NAALADL2: variants seen among roughly 807,000 people sequenced by gnomAD.
NAALADL2 encodes the protein inactive N-acetylated-alpha-linked acidic dipeptidase-like protein 2.
Under a neutral mutation model 87.2 loss-of-function variants are expected in NAALADL2, and 76 were observed. The ratio of observed to expected loss-of-function variants is 0.87; its 90% confidence interval spans 0.72 to 1.05. The LOEUF (loss-of-function observed/expected upper bound fraction) is 1.05. NAALADL2 is among the 50% of genes least tolerant of loss of function. NAALADL2 has a pLI of 0.00. For missense variants in NAALADL2, 1,089 were observed against 945.8 expected (o/e 1.15, Z -1.99); for synonymous variants, 354 against 331.0 (o/e 1.07, Z -0.75).
chr3:175,316,313 TTTGCC>T (rs1759132014), intron 4 of NAALADL2, among the ~76,000 whole-genome samples: 1 of 152,136 alleles, frequency 6.6e-6, no homozygotes, highest in South Asian at 2.1e-4. Flanking sequence ...TATTCCCTCT[TTTGCC>T]CACCCTCATC....
chr3:175,179,956 C>T (rs1168186607), intron 2 of NAALADL2, among the ~76,000 whole-genome samples: 1 of 151,954 alleles, frequency 6.6e-6, no homozygotes, highest in African/African-American at 2.4e-5. Context: ...TCACTGACAG[C>T]ACTAACTCAG....
intron 10 of NAALADL2, among the ~76,000 whole-genome samples, chr3:175,612,331 G>C (rs1307293464): frequency 6.6e-6 from 1 of 152,090 alleles, no homozygotes; most frequent in African/African-American, 2.4e-5. Flanking sequence ...TTGACAAAAA[G>C]ATTTTCAAAT....
At chr3:175,332,892 A>G (rs1282050063) in intron 5 of NAALADL2, among the ~76,000 whole-genome samples, 1 of 152,190 alleles carries the variant, frequency 6.6e-6, no homozygotes, top group Non-Finnish European at 1.5e-5. Context: ...CATGCTTTAT[A>G]TAGCTGGGCA....
chr3:174,851,666 A>G (rs988175426), intron 3 of NAALADL2, among the ~76,000 whole-genome samples: 1 of 152,066 alleles, frequency 6.6e-6, no homozygotes, highest in East Asian at 1.9e-4. Context: ...TAATTGCTTC[A>G]CTGGAGAATC....
At chr3:174,980,738 A>G (rs1745001154) in intron 1 of NAALADL2, among the ~76,000 whole-genome samples, 4 of 152,166 alleles carry the variant, frequency 2.6e-5, no homozygotes, top group African/African-American at 7.2e-5. Flanking sequence ...GCTAACAAAT[A>G]TATTGATAGG....
intron 2 of NAALADL2, among the ~76,000 whole-genome samples, chr3:175,143,573 CAATG>C (rs1730332839): frequency 5.3e-5 from 7 of 131,502 alleles, no homozygotes; most frequent in African/African-American, 1.9e-4. Flanking sequence ...AAAAAAAAGA[CAATG>C]AAACTACCAT....
At chr3:175,643,734 C>CT (rs563820595) in intron 11 of NAALADL2, among the ~76,000 whole-genome samples, 130 of 152,210 alleles carry the variant, frequency 8.5e-4, no homozygotes, top group African/African-American at 2.7e-3. Flanking sequence ...GAAGAACAAA[C>CT]TATTTTTCTG....
At chr3:175,353,510 T>G (rs1306033368) in intron 5 of NAALADL2, among the ~76,000 whole-genome samples, 1 of 152,148 alleles carries the variant, frequency 6.6e-6, no homozygotes, top group Non-Finnish European at 1.5e-5. Flanking sequence ...ATTAAACAAT[T>G]TCAAAGGTGA....
intron 1 of NAALADL2, among the ~76,000 whole-genome samples, chr3:174,542,274 A>G (rs1323533362): frequency 1.3e-5 from 2 of 152,160 alleles, no homozygotes; most frequent in East Asian, 3.9e-4. Context: ...TTCACCCCTC[A>G]GAGAATATAC....
At chr3:174,810,597 C>CA (rs71624292) in intron 3 of NAALADL2, among the ~76,000 whole-genome samples, 28,441 of 109,898 alleles carry the variant, frequency 0.26, 2,889 homozygotes, top group East Asian at 0.41. Context: ...TATATGTAAG[C>CA]AAAAAAAAAA....
intron 1 of NAALADL2, among the ~76,000 whole-genome samples, chr3:175,019,909 A>G (rs1011576738): frequency 1.3e-5 from 2 of 152,072 alleles, no homozygotes; most frequent in Non-Finnish European, 2.9e-5. Flanking sequence ...AGCTCCAAGC[A>G]TATGCTATTG....
intron 10 of NAALADL2, among the ~76,000 whole-genome samples, chr3:175,607,723 C>T (rs774256787): frequency 5.9e-5 from 9 of 151,954 alleles, no homozygotes; most frequent in South Asian, 2.1e-4. Flanking sequence ...AGAGGGAAGA[C>T]GTTGACTCTT....
chr3:175,694,735 G>T (rs1328129316), intron 11 of NAALADL2, among the ~76,000 whole-genome samples: 1 of 152,050 alleles, frequency 6.6e-6, no homozygotes, highest in Admixed American at 6.6e-5. Flanking sequence ...TGACTTTAGG[G>T]ATGCTCATTT....
chr3:174,760,636 G>T (rs1472482683), intron 3 of NAALADL2, among the ~76,000 whole-genome samples: 2 of 152,212 alleles, frequency 1.3e-5, no homozygotes, highest in Non-Finnish European at 2.9e-5. Flanking sequence ...GATGGCCACT[G>T]AATGGCCTCT....
intron 1 of NAALADL2, among the ~76,000 whole-genome samples, chr3:175,065,885 G>T (rs1714443470): frequency 6.6e-6 from 1 of 152,166 alleles, no homozygotes; most frequent in African/African-American, 2.4e-5. Flanking sequence ...CCATATAGCT[G>T]TGAGCAACAG....
At chr3:175,238,355 A>G (rs1416617714) in intron 3 of NAALADL2, among the ~76,000 whole-genome samples, 3 of 152,136 alleles carry the variant, frequency 2.0e-5, no homozygotes, top group South Asian at 2.1e-4. Context: ...GTAGAAATAT[A>G]CTCCATGTTT....
chr3:175,323,670 A>AT (rs1760257937), intron 4 of NAALADL2, among the ~76,000 whole-genome samples: 1 of 151,692 alleles, frequency 6.6e-6, no homozygotes, highest in South Asian at 2.1e-4. Context: ...GAAAAAAAAA[A>AT]AGGCCAGTAG....
intron 11 of NAALADL2, among the ~76,000 whole-genome samples, chr3:175,653,751 C>G (rs1328694025): frequency 6.6e-6 from 1 of 152,146 alleles, no homozygotes; most frequent in Non-Finnish European, 1.5e-5. Context: ...TGTAATCTCA[C>G]AAGACTTTCA....
chr3:175,001,070 C>T (rs188090305), intron 1 of NAALADL2, among the ~76,000 whole-genome samples: 1 of 152,268 alleles, frequency 6.6e-6, no homozygotes, highest in East Asian at 1.9e-4. Context: ...AGGGGTTTCC[C>T]AGACAGGAGA....
Sources: allele counts gnomAD v4.1 joint callset (sites outside exome capture counted in the v4.1 genomes callset), GRCh38; gene constraint gnomAD v4.1.1; transcripts MANE v1.5; gene names NCBI Gene and HGNC (gene_info 2026-07-23, HGNC 2026-07-21).